The following PHEX variants were observed in gnomAD, a reference collection of about 807,000 sequenced individuals.
PHEX encodes the protein phosphate regulating endopeptidase X-linked.
In PHEX, 16 loss-of-function variants were observed where a neutral mutation model predicts 68.0. The observed-to-expected ratio is 0.24, with a 90% confidence interval of 0.16 to 0.36. The LOEUF (loss-of-function observed/expected upper bound fraction) is 0.36. PHEX is among the 10% of genes least tolerant of loss of function. The pLI is 1.00. For missense variants in PHEX, 480 were observed against 575.5 expected (o/e 0.83, Z 1.70); for synonymous variants, 208 against 205.1 (o/e 1.01, Z -0.12).
chrX:22,139,307 G>A (rs1932358924), intron 12 of PHEX, among the ~76,000 whole-genome samples: 1 of 111,687 alleles, frequency 9.0e-6, no homozygotes, highest in Non-Finnish European at 1.9e-5. Context: ...ACCAGACGGT[G>A]AGAGGAGGGA....
intron 20 of PHEX, among the ~76,000 whole-genome samples, chrX:22,239,017 CTTCCAGAGGAAGGA>C (rs906883529): frequency 8.9e-6 from 1 of 111,899 alleles, no homozygotes; most frequent in African/African-American, 3.3e-5. Flanking sequence ...GTGGACAAAG[CTTCCAGAGGAAGGA>C]ACAGGCAGCA....
intron 13 of PHEX, among the ~76,000 whole-genome samples, chrX:22,176,860 G>A (rs1442504056): frequency 9.0e-6 from 1 of 111,238 alleles, no homozygotes; most frequent in African/African-American, 3.3e-5. Flanking sequence ...GTAAACTGTT[G>A]TATTGCCTTC....
intron 6 of PHEX, among the ~76,000 whole-genome samples, 190 bp from the exon 7 acceptor site, chrX:22,093,793 C>T (rs967100570): frequency 6.3e-5 from 7 of 111,954 alleles, no homozygotes; most frequent in Admixed American, 1.9e-4. Flanking sequence ...CTCAAGTAGC[C>T]GTCACTCTTT....
intron 3 of PHEX, among the ~76,000 whole-genome samples, chrX:22,052,087 C>T (rs900940039): frequency 7.2e-5 from 8 of 111,858 alleles, no homozygotes; most frequent in African/African-American, 2.6e-4. Context: ...GTAATACAGG[C>T]TCATCGTAGA....
intron 18 of PHEX, 36 bp from the exon 19 acceptor site, chrX:22,226,407 A>G (rs763055976): frequency 2.0e-6 from 2 of 995,383 alleles, no homozygotes; most frequent in Non-Finnish European, 1.4e-6. Flanking sequence ...TGAAACACGC[A>G]TTCATTTTTT....
At chrX:22,140,925 T>C (rs1420884895) in intron 12 of PHEX, among the ~76,000 whole-genome samples, 1 of 110,520 alleles carries the variant, frequency 9.0e-6, no homozygotes, top group Non-Finnish European at 1.9e-5. Flanking sequence ...TACTTTTTTT[T>C]TTTTTTTAAT....
chrX:22,117,064 CAGAAGAAGGTCTTCA>C (rs1344981212), intron 11 of PHEX, among the ~76,000 whole-genome samples: 1 of 111,850 alleles, frequency 8.9e-6, no homozygotes, highest in Non-Finnish European at 1.9e-5. Context: ...ACTGAGGCTC[CAGAAGAAGGTCTTCA>C]AGACTCACAC....
chrX:22,168,446 C>G, intron 13 of PHEX, 57 bp downstream of exon 13: 1 of 751,561 alleles, frequency 1.3e-6, no homozygotes, highest in East Asian at 3.2e-5. Flanking sequence ...TGGCCTTGTG[C>G]CTTTCAACTA....
chrX:22,169,104 C>A (rs1028631623), intron 13 of PHEX, among the ~76,000 whole-genome samples: 1 of 111,772 alleles, frequency 8.9e-6, no homozygotes, highest in Non-Finnish European at 1.9e-5. Flanking sequence ...TTTTGAAATT[C>A]TTTAAGTAAC....
At chrX:22,161,551 G>C (rs991730376) in intron 12 of PHEX, among the ~76,000 whole-genome samples, 1 of 112,167 alleles carries the variant, frequency 8.9e-6, no homozygotes, top group Non-Finnish European at 1.9e-5. Context: ...TATATTTTCT[G>C]ATACTCTTGA....
At chrX:22,134,925 A>G (rs1364977108) in intron 12 of PHEX, among the ~76,000 whole-genome samples, 2 of 111,929 alleles carry the variant, frequency 1.8e-5, no homozygotes, top group Non-Finnish European at 3.8e-5. Flanking sequence ...ATACTGAGTC[A>G]TACTGAGCAC....
chrX:22,119,986 G>T (rs910674485), intron 11 of PHEX, among the ~76,000 whole-genome samples: 4 of 111,415 alleles, frequency 3.6e-5, no homozygotes, highest in Non-Finnish European at 5.6e-5. Context: ...GCAGGTGAAG[G>T]TTCCAACGAA....
intron 12 of PHEX, among the ~76,000 whole-genome samples, chrX:22,167,462 G>C (rs1472908818): frequency 9.9e-6 from 1 of 101,190 alleles, no homozygotes; most frequent in South Asian, 4.4e-4. Context: ...GTATTTTCAC[G>C]TTATTTTCCC....
intron 20 of PHEX, among the ~76,000 whole-genome samples, chrX:22,239,698 G>T (rs1279882317): frequency 1.8e-5 from 2 of 111,179 alleles, no homozygotes; most frequent in Non-Finnish European, 3.8e-5. Flanking sequence ...AGAAAAAAGA[G>T]TTAAAAGAAA....
rs1556011745 is a variant in PHEX at position 22,037,100 on chromosome X, G to GAAA, written c.119-1355_119-1353dup. On this transcript the variant is annotated intron_variant, in intron 1 of 21. Transcript: ENST00000379374. ...GGTGACAGAGTGAGACTCTTGTCTCGAAAAAAAAAAAAAAAATAGGACTGA... is the reference window on the plus strand; with the variant it reads ...GGTGACAGAGTGAGACTCTTGTCTCGAAAAAAAAAAAAAAAAAAATAGGACTGA... 1.3e-3 allele frequency among the ~76,000 whole-genome samples: 107 copies of GAAA among 84,186 alleles called. 1 individual carries two copies. The highest frequency in any genetic ancestry group is 4.5e-3 in the African/African-American group (102 of 22,429). 73.1% of individuals were successfully genotyped at this position (84,186 alleles called of 115,157 possible).
chrX:22,173,526 G>T (rs770419024), intron 13 of PHEX, among the ~76,000 whole-genome samples: 1 of 110,072 alleles, frequency 9.1e-6, no homozygotes, highest in East Asian at 2.9e-4. Flanking sequence ...AGTAATTGTG[G>T]TTTTTGCCAT....
intron 13 of PHEX, chrX:22,172,387 G>A (rs756637715): frequency 3.6e-5 from 4 of 111,766 alleles, no homozygotes; most frequent in Middle Eastern, 4.7e-3. Context: ...ATGTTGGAAG[G>A]CAAGAAGAGG....
intron 11 of PHEX, among the ~76,000 whole-genome samples, chrX:22,118,644 C>G (rs1260581873): frequency 9.0e-6 from 1 of 111,326 alleles, no homozygotes; most frequent in Non-Finnish European, 1.9e-5. Flanking sequence ...GTTGGCCCAA[C>G]TGCCTGTGGT....
intron 12 of PHEX, among the ~76,000 whole-genome samples, chrX:22,165,433 TC>T (rs368239092): frequency 5.4e-5 from 6 of 111,619 alleles, no homozygotes; most frequent in African/African-American, 2.0e-4. Context: ...TCAGAGTTTG[TC>T]CTGAATTGAG....
Sources: gnomAD v4.1 joint callset for allele counts (sites outside exome capture counted in the v4.1 genomes callset) on GRCh38, gnomAD v4.1.1 for gene constraint, MANE v1.5 for transcripts, NCBI Gene and HGNC (gene_info 2026-07-23, HGNC 2026-07-21) for gene names.